The following ZNF804B variants were observed in gnomAD, a reference collection of about 807,000 sequenced individuals.
ZNF804B encodes zinc finger 804B.
In ZNF804B, 80 loss-of-function variants were observed where a neutral mutation model predicts 101.4. That is an observed-to-expected ratio of 0.79 (90% CI 0.66 to 0.95). The LOEUF (loss-of-function observed/expected upper bound fraction) is 0.95, where lower values mean the gene tolerates loss of function less well. Ranked by LOEUF, ZNF804B falls within the 40% of genes least tolerant of loss-of-function variation. The probability of loss-of-function intolerance (pLI) is 0.00; values close to 1 mark genes in which losing one functional copy is unlikely to be tolerated. For synonymous variants in ZNF804B, 622 were observed against 558.8 expected (o/e 1.11, Z -1.59); for missense variants, 1,673 against 1,561.9 (o/e 1.07, Z -1.20).
chr7:89,334,256 A>T lies in ZNF804B; in HGVS notation c.1274A>T (p.Gln425Leu). 6.2e-7 allele frequency: 1 copy of T among 1,613,740 alleles called. No individual in the cohort carries two copies. The highest frequency in any genetic ancestry group is 8.5e-7 in the Non-Finnish European group (1 of 1,179,816). Reference sequence around the variant, plus strand: ...ACAGAAAGAGTTAGCAAAAATGTTCAAAGACTTGTAAAAGAAGCATGTACC... The same window carrying T: ...ACAGAAAGAGTTAGCAAAAATGTTCTAAGACTTGTAAAAGAAGCATGTACC... ...DKTERVSKNV[Q>L]RLVKEACTHN... The change falls in exon 4 of 4, where the codon CAA (glutamine) becomes CTA (leucine). Residue 425 changes from glutamine to leucine, a missense_variant. Transcript: ENST00000333190.
chr7:89,106,070 A>G (rs1790131799), intron 1 of ZNF804B, among the ~76,000 whole-genome samples: 1 of 152,118 alleles, frequency 6.6e-6, no homozygotes, highest in Non-Finnish European at 1.5e-5. Flanking sequence ...AGATCCATAC[A>G]TTTATTTAAA....
chr7:89,076,762 G>A (rs1789620626), intron 1 of ZNF804B, among the ~76,000 whole-genome samples: 1 of 152,028 alleles, frequency 6.6e-6, no homozygotes, highest in Non-Finnish European at 1.5e-5. Context: ...AAATAATAGA[G>A]GCTTAATTAA....
intron 2 of ZNF804B, among the ~76,000 whole-genome samples, chr7:89,225,428 C>A (rs994622526): frequency 2.0e-5 from 3 of 152,116 alleles, no homozygotes; most frequent in Non-Finnish European, 4.4e-5. Flanking sequence ...ATACTCCACT[C>A]CCAGCTATTA....
At chr7:88,834,592 C>A (rs1218030415) in intron 1 of ZNF804B, among the ~76,000 whole-genome samples, 1 of 151,264 alleles carries the variant, frequency 6.6e-6, no homozygotes, top group African/African-American at 2.4e-5. Flanking sequence ...TCTTGATTGG[C>A]GTGATGGTAT....
chr7:88,883,462 A>G (rs1792073298), intron 1 of ZNF804B, among the ~76,000 whole-genome samples: 1 of 152,094 alleles, frequency 6.6e-6, no homozygotes. Context: ...GTGGAAGGCA[A>G]TTATTGGTCC....
At chr7:88,786,193 G>A (rs1476300847) in intron 1 of ZNF804B, among the ~76,000 whole-genome samples, 1 of 152,010 alleles carries the variant, frequency 6.6e-6, no homozygotes, top group Non-Finnish European at 1.5e-5. Flanking sequence ...GAAATAGTGG[G>A]CAAGCTATTT....
intron 2 of ZNF804B, among the ~76,000 whole-genome samples, chr7:89,244,532 G>A (rs945983323): frequency 9.2e-5 from 14 of 152,030 alleles, no homozygotes; most frequent in African/African-American, 1.7e-4. Context: ...ATGCAAAATC[G>A]AAAATAATAA....
chr7:88,838,638 G>A (rs1791250665), intron 1 of ZNF804B, among the ~76,000 whole-genome samples: 1 of 151,832 alleles, frequency 6.6e-6, no homozygotes, highest in African/African-American at 2.4e-5. Flanking sequence ...CTAATTTACA[G>A]AGTACATTAT....
At chr7:88,999,529 T>C (rs1418665423) in intron 1 of ZNF804B, among the ~76,000 whole-genome samples, 1 of 152,020 alleles carries the variant, frequency 6.6e-6, no homozygotes, top group Non-Finnish European at 1.5e-5. Context: ...TTTCCTCCAA[T>C]GAGGAATTCT....
At chr7:89,309,006 G>T (rs1014854118) in intron 2 of ZNF804B, among the ~76,000 whole-genome samples, 1 of 152,048 alleles carries the variant, frequency 6.6e-6, no homozygotes, top group African/African-American at 2.4e-5. Context: ...TTTTATTTTA[G>T]AATCAGGGGG....
chr7:89,070,957 A>G (rs572309066), intron 1 of ZNF804B, among the ~76,000 whole-genome samples: 1 of 152,234 alleles, frequency 6.6e-6, no homozygotes, highest in East Asian at 1.9e-4. Flanking sequence ...GATTGATTCC[A>G]GGACCCCTGT....
intron 1 of ZNF804B, among the ~76,000 whole-genome samples, chr7:89,081,663 A>T (rs1789700172): frequency 6.6e-6 from 1 of 151,794 alleles, no homozygotes; most frequent in South Asian, 2.1e-4. Flanking sequence ...AATCTCTAAC[A>T]TAGACATCTT....
intron 1 of ZNF804B, among the ~76,000 whole-genome samples, chr7:88,901,584 A>G (rs1399823267): frequency 6.6e-6 from 1 of 151,720 alleles, no homozygotes; most frequent in Non-Finnish European, 1.5e-5. Flanking sequence ...TTTCTCTGCC[A>G]TCACTCATCT....
chr7:89,183,300 G>A (rs1398408194), intron 1 of ZNF804B, among the ~76,000 whole-genome samples: 1 of 151,996 alleles, frequency 6.6e-6, no homozygotes. Context: ...AGATCCTGGA[G>A]AAATTAAACA....
rs73386698 is a variant in ZNF804B, at chr7:89,325,523, C to A, written c.250-1821C>A. Among the ~76,000 whole-genome samples the A allele has an allele frequency of 3.6e-3, 541 of 152,042 alleles. 5 individuals are homozygous for A. Among genetic ancestry groups the A allele is most frequent in the African/African-American group, 0.012 (519 of 41,540 alleles). Reference sequence around the variant, plus strand: ...TAAGGATTAACATAGTAGCAATTAACAATATTTGTTGTTAGATAAACAATA... The same window carrying A: ...TAAGGATTAACATAGTAGCAATTAAAAATATTTGTTGTTAGATAAACAATA... On this transcript the variant is annotated intron_variant, in intron 2 of 3. Coordinates refer to ENST00000333190, the MANE Select transcript of ZNF804B (RefSeq NM_181646.5).
chr7:89,174,006 A>G (rs989678536), intron 1 of ZNF804B, among the ~76,000 whole-genome samples: 9 of 152,046 alleles, frequency 5.9e-5, no homozygotes, highest in African/African-American at 1.9e-4. Flanking sequence ...ATTTTGTTAC[A>G]GGCATTCAAT....
At chr7:89,192,270 CT>C (rs1788467716) in intron 1 of ZNF804B, among the ~76,000 whole-genome samples, 1 of 151,984 alleles carries the variant, frequency 6.6e-6, no homozygotes, top group South Asian at 2.1e-4. Flanking sequence ...TTCCTTCTCT[CT>C]TTTCACCCCC....
chr7:88,801,757 G>A (rs1306088013), intron 1 of ZNF804B, among the ~76,000 whole-genome samples: 3 of 151,704 alleles, frequency 2.0e-5, no homozygotes, highest in Non-Finnish European at 4.4e-5. Flanking sequence ...AGTTTTTATA[G>A]AAAAAAAGAA....
intron 2 of ZNF804B, among the ~76,000 whole-genome samples, chr7:89,272,836 C>T (rs926762289): frequency 6.6e-6 from 1 of 152,052 alleles, no homozygotes; most frequent in African/African-American, 2.4e-5. Flanking sequence ...AATTAACTGT[C>T]TTAGACAGAA....
Sources: gnomAD v4.1 joint callset for allele counts (sites outside exome capture counted in the v4.1 genomes callset) on GRCh38, gnomAD v4.1.1 for gene constraint, MANE v1.5 for transcripts, NCBI Gene and HGNC (gene_info 2026-07-23, HGNC 2026-07-21) for gene names.